Variants in CEP70 observed in about 807,000 individuals in gnomAD.
The protein encoded by CEP70 is centrosomal protein of 70 kDa.
In CEP70, 70 loss-of-function variants were observed where a neutral mutation model predicts 90.9. The ratio of observed to expected loss-of-function variants is 0.77; its 90% CI spans 0.64 to 0.94. The LOEUF is 0.94. Among genes scored for constraint, CEP70 ranks in the 40% least tolerant of loss-of-function variants. The pLI is 0.00. For synonymous variants in CEP70, 220 were observed against 228.3 expected, an observed-to-expected ratio of 0.96 and a Z score of 0.33; for missense variants, 648 against 669.0, an observed-to-expected ratio of 0.97 and a Z score of 0.35.
At chr3:138,531,350 C>T (rs1384560499) in intron 8 of CEP70, among the ~76,000 whole-genome samples, 1 of 152,114 alleles carries the variant, frequency 6.6e-6, no homozygotes, top group African/African-American at 2.4e-5. Context: ...ATCTTTTCTA[C>T]TCTTACTAAA....
chr3:138,503,483 G>C (rs2034701406), intron 13 of CEP70, among the ~76,000 whole-genome samples: 1 of 152,124 alleles, frequency 6.6e-6, no homozygotes, highest in African/African-American at 2.4e-5. Context: ...CTGGGAAGAT[G>C]GTTGTCCCAA....
At position 138,529,215 on chromosome 3, in the gene CEP70, T is replaced by G; in HGVS notation, c.853A>C (p.Lys285Gln). 1.9e-6 allele frequency: 3 copies of G among 1,601,368 alleles called. No individual in the cohort carries two copies. Among genetic ancestry groups the G allele is most frequent in the Non-Finnish European group, 1.7e-6 (2 of 1,175,254 alleles). ...TTCTCTCACCTGGTTTCCAAATCTT[T>G]TTGGAGGTTCAGCTTTTCACTTGAA... is the stretch of plus-strand genomic sequence containing the variant. ...ALSSEKLNLQ[K>Q]DLETRPTQHE... is the part of the protein sequence containing the mutation. The change falls in exon 10 of 18, where the codon AAA becomes CAA. Residue 285 changes from lysine (K) to glutamine (Q), a missense_variant. Physicochemically the swap from Lys to Gln is moderately conservative, Grantham distance 53. Transcript: ENST00000264982.
chr3:138,531,578 T>C (rs2037815570), intron 8 of CEP70: 1 of 152,204 alleles, frequency 6.6e-6, no homozygotes, highest in Non-Finnish European at 1.5e-5. Context: ...ACAGTTTCAT[T>C]TGGAAGTCAG....
intron 8 of CEP70, chr3:138,530,753 G>GA (rs2037741106): frequency 1.0e-6 from 1 of 985,328 alleles, no homozygotes; most frequent in African/African-American, 1.7e-5. Context: ...ACTTGTCAAT[G>GA]AATTGTTACA....
chr3:138,503,471 A>T (rs1323386101), intron 13 of CEP70, among the ~76,000 whole-genome samples: 2 of 152,150 alleles, frequency 1.3e-5, no homozygotes, highest in Admixed American at 1.3e-4. Flanking sequence ...GAAAAAACTA[A>T]TCTGGGAAGA....
chr3:138,586,876 G>A (rs765052972), intron 2 of CEP70, among the ~76,000 whole-genome samples: 3 of 151,982 alleles, frequency 2.0e-5, no homozygotes, highest in Non-Finnish European at 2.9e-5. Context: ...TAAGATGGTG[G>A]CTACCTCATT....
intron 17 of CEP70, chr3:138,497,385 A>G: frequency 1.7e-6 from 2 of 1,203,520 alleles, no homozygotes; most frequent in East Asian, 1.2e-4. Flanking sequence ...TCACTGGTGA[A>G]TACATCACTT....
chr3:138,505,260 A>G (rs751008785), intron 13 of CEP70, 35 bp downstream of exon 13: 1 of 1,499,022 alleles, frequency 6.7e-7, no homozygotes, highest in South Asian at 1.4e-5. Context: ...AGTCCAATAG[A>G]TGTTCAAAGC....
chr3:138,562,088 C>T (rs1052021045), intron 6 of CEP70, among the ~76,000 whole-genome samples: 8 of 148,070 alleles, frequency 5.4e-5, no homozygotes, highest in African/African-American at 2.0e-4. Context: ...ACTGATCAAG[C>T]AGAAGAAAGG....
chr3:138,531,352 C>T (rs942767971), intron 8 of CEP70, among the ~76,000 whole-genome samples: 2 of 152,116 alleles, frequency 1.3e-5, no homozygotes, highest in African/African-American at 4.8e-5. Context: ...CTTTTCTACT[C>T]TTACTAAAAA....
At chr3:138,562,612 A>G (rs1481409142) in intron 6 of CEP70, among the ~76,000 whole-genome samples, 1 of 152,234 alleles carries the variant, frequency 6.6e-6, no homozygotes, top group Non-Finnish European at 1.5e-5. Flanking sequence ...ACTAAGCTTC[A>G]TAAGTGAAGG....
intron 11 of CEP70, among the ~76,000 whole-genome samples, chr3:138,525,051 T>A (rs1439556112): frequency 4.6e-5 from 7 of 152,142 alleles, no homozygotes; most frequent in Non-Finnish European, 8.8e-5. Flanking sequence ...TAAGAAAATG[T>A]GGCACATATA....
intron 12 of CEP70, among the ~76,000 whole-genome samples, chr3:138,505,930 C>A (rs2034950158): frequency 6.6e-6 from 1 of 152,166 alleles, no homozygotes; most frequent in Non-Finnish European, 1.5e-5. Flanking sequence ...AAGCACCTTC[C>A]CAGACACATC....
intron 2 of CEP70, among the ~76,000 whole-genome samples, chr3:138,575,148 C>A (rs1031647259): frequency 1.3e-5 from 2 of 152,134 alleles, no homozygotes; most frequent in African/African-American, 4.8e-5. Flanking sequence ...TAATAACAAA[C>A]TTCTCCAAGC....
At chr3:138,581,497 A>C (rs2041852943) in intron 2 of CEP70, among the ~76,000 whole-genome samples, 2 of 151,794 alleles carry the variant, frequency 1.3e-5, no homozygotes, top group African/African-American at 2.4e-5. Context: ...TGTAGTCAGG[A>C]GTTCAAGACC....
chr3:138,515,470 A>G (rs991132126), intron 11 of CEP70, among the ~76,000 whole-genome samples: 53 of 149,204 alleles, frequency 3.6e-4, no homozygotes, highest in African/African-American at 1.2e-3. Context: ...AGAAATGCAA[A>G]AAAAAAAAAA....
At chr3:138,499,783 T>TACACACAC (rs56826450) in intron 16 of CEP70, 9,560 of 193,064 alleles carry the variant, frequency 0.05, 665 homozygotes, top group East Asian at 0.28. Context: ...TCTCTCTCTC[T>TACACACAC]ACACACACAC....
intron 16 of CEP70, 117 bp from the exon 17 acceptor site, chr3:138,498,227 G>T: frequency 3.0e-6 from 2 of 664,286 alleles, no homozygotes; most frequent in Non-Finnish European, 5.0e-6. Flanking sequence ...TAAACTTAAT[G>T]ATCATTTACT....
chr3:138,518,229 C>T (rs182932063), intron 11 of CEP70, among the ~76,000 whole-genome samples: 105 of 152,344 alleles, frequency 6.9e-4, no homozygotes, highest in African/African-American at 2.3e-3. Flanking sequence ...GGAAGCCTGC[C>T]TGTCTCTGTA....
Sources: gnomAD v4.1 joint callset for allele counts (sites outside exome capture counted in the v4.1 genomes callset) on GRCh38, gnomAD v4.1.1 for gene constraint, MANE v1.5 for transcripts, NCBI Gene and HGNC (gene_info 2026-07-23, HGNC 2026-07-21) for gene names.